Variants in DCAF6 observed in about 807,000 individuals in gnomAD.
DCAF6 encodes the protein DDB1 and CUL4 associated factor 6, also known as DDB1- and CUL4-associated factor 6.
In DCAF6, 54 loss-of-function variants were observed where a neutral mutation model predicts 125.1. The observed-to-expected ratio is 0.43, with a 90% confidence interval of 0.35 to 0.54. The LOEUF is 0.54. Ranked by LOEUF, DCAF6 falls within the 20% of genes least tolerant of loss-of-function variation. The pLI is 0.01. For missense variants in DCAF6, 934 were observed against 1,161.7 expected (o/e 0.80, Z 2.85); for synonymous variants, 371 against 390.4 (o/e 0.95, Z 0.58).
chr1:167,897,255 G>A, the DCAF6 span, among the ~76,000 whole-genome samples: 2 of 151,154 alleles, frequency 1.3e-5, no homozygotes. Context: ...GGAGGCTGAG[G>A]TGGGCAGATT....
chr1:168,064,875 A>G (rs1287988784), intron 18 of DCAF6, among the ~76,000 whole-genome samples: 1 of 152,252 alleles, frequency 6.6e-6, no homozygotes, highest in Non-Finnish European at 1.5e-5. Flanking sequence ...CATTATAACT[A>G]TTCCAGTATA....
chr1:168,063,595 G>A (rs1691886880), intron 17 of DCAF6, 26 bp from the exon 18 acceptor site: 2 of 1,427,438 alleles, frequency 1.4e-6, no homozygotes, highest in African/African-American at 1.5e-5. Context: ...ATTTATTTTT[G>A]TTTTTTTAAT....
intron 7 of DCAF6, among the ~76,000 whole-genome samples, chr1:167,997,531 C>T (rs1681910515): frequency 6.6e-6 from 1 of 151,872 alleles, no homozygotes; most frequent in Non-Finnish European, 1.5e-5. Context: ...CTCCTTTGCT[C>T]AGGATGCAAA....
At chr1:167,924,399 T>TA in the DCAF6 span, 1 of 969,048 alleles carries the variant, frequency 1.0e-6, no homozygotes, top group African/African-American at 1.7e-5. Flanking sequence ...ATACCAAGAA[T>TA]ACTCTAAAGT....
the DCAF6 span, among the ~76,000 whole-genome samples, chr1:167,865,035 A>C: frequency 6.6e-6 from 1 of 152,236 alleles, no homozygotes; most frequent in East Asian, 1.9e-4. Flanking sequence ...AGACATGTCA[A>C]AGAATTATCT....
At chr1:168,034,075 G>A (rs987476459) in intron 12 of DCAF6, among the ~76,000 whole-genome samples, 1 of 152,180 alleles carries the variant, frequency 6.6e-6, no homozygotes, top group African/African-American at 2.4e-5. Flanking sequence ...TATTAATGTT[G>A]TTGATATGAA....
At chr1:168,066,280 A>C (rs567691959) in intron 19 of DCAF6, 97 bp from the exon 20 acceptor site, 1 of 645,646 alleles carries the variant, frequency 1.5e-6, no homozygotes, top group Admixed American at 3.3e-5. Context: ...TTGCTGTTCA[A>C]GGTTAGTTTT....
chr1:168,051,636 C>T (rs1003242392), intron 17 of DCAF6, among the ~76,000 whole-genome samples: 4 of 152,048 alleles, frequency 2.6e-5, no homozygotes, highest in Admixed American at 6.6e-5. Flanking sequence ...TAGCAACAAT[C>T]AGAAATGTAA....
intron 3 of DCAF6, among the ~76,000 whole-genome samples, chr1:167,972,049 T>A (rs1459746857): frequency 6.6e-6 from 1 of 152,038 alleles, no homozygotes; most frequent in Non-Finnish European, 1.5e-5. Context: ...GGAGATGGGG[T>A]TTCGCCATGT....
chr1:168,029,677 G>T (rs1465990241), intron 12 of DCAF6, among the ~76,000 whole-genome samples: 1 of 152,104 alleles, frequency 6.6e-6, no homozygotes, highest in Non-Finnish European at 1.5e-5. Flanking sequence ...TGAGGCAAAG[G>T]GTGGTTAAGA....
intron 4 of DCAF6, among the ~76,000 whole-genome samples, chr1:167,979,025 G>A (rs1466002637): frequency 6.6e-6 from 1 of 152,008 alleles, no homozygotes; most frequent in East Asian, 1.9e-4. Flanking sequence ...TTGCATCCTG[G>A]TTAAGAAATC....
chr1:167,936,067 C>G, upstream of DCAF6: 1 of 583,934 alleles, frequency 1.7e-6, no homozygotes, highest in Non-Finnish European at 3.1e-6. Flanking sequence ...AGCCCCCGGT[C>G]CGCCTCCGGC....
chr1:167,921,784 A>G, the DCAF6 span, among the ~76,000 whole-genome samples: 4 of 152,170 alleles, frequency 2.6e-5, no homozygotes, highest in Non-Finnish European at 5.9e-5. Context: ...TTTATCCAGG[A>G]TAGAAAATGT....
chr1:167,992,787 AT>A (rs1327582522), intron 6 of DCAF6, among the ~76,000 whole-genome samples: 1 of 152,214 alleles, frequency 6.6e-6, no homozygotes, highest in Non-Finnish European at 1.5e-5. Context: ...GCAATCAGAA[AT>A]TTTTTTAAAA....
intron 6 of DCAF6, among the ~76,000 whole-genome samples, 153 bp from the exon 7 acceptor site, chr1:167,993,073 C>T (rs978653317): frequency 1.3e-5 from 2 of 152,126 alleles, no homozygotes; most frequent in Non-Finnish European, 2.9e-5. Flanking sequence ...CAAAATCTGA[C>T]TGCAGAGGAA....
the DCAF6 span, among the ~76,000 whole-genome samples, chr1:167,903,285 C>A: frequency 7.4e-5 from 11 of 148,690 alleles, no homozygotes; most frequent in Non-Finnish European, 8.9e-5. Flanking sequence ...TAAAAATAGC[C>A]GGGCACCCTG....
the DCAF6 span, among the ~76,000 whole-genome samples, chr1:167,865,630 T>C: frequency 6.6e-6 from 1 of 152,206 alleles, no homozygotes; most frequent in Admixed American, 6.5e-5. Flanking sequence ...GTCTAAAAAC[T>C]AATAAAAATA....
At chr1:167,968,309 C>G (rs1676755313) in intron 3 of DCAF6, among the ~76,000 whole-genome samples, 15 of 152,172 alleles carry the variant, frequency 9.9e-5, no homozygotes, top group Admixed American at 9.8e-4. Context: ...TGAACCGCCA[C>G]TAACCCTGGG....
chr1:167,868,824 A>C, the DCAF6 span, among the ~76,000 whole-genome samples: 1 of 152,232 alleles, frequency 6.6e-6, no homozygotes, highest in African/African-American at 2.4e-5. Flanking sequence ...AAGATGGCTC[A>C]TGGGTATACC....
Sources: allele counts gnomAD v4.1 joint callset (sites outside exome capture counted in the v4.1 genomes callset), GRCh38; gene constraint gnomAD v4.1.1; transcripts MANE v1.5; gene names NCBI Gene and HGNC (gene_info 2026-07-23, HGNC 2026-07-21).